CORO2B: variants seen among roughly 807,000 people sequenced by gnomAD.
CORO2B encodes the protein coronin-2B.
A neutral mutation model predicts 58.8 loss-of-function variants in CORO2B; 26 were observed. The observed-to-expected ratio is 0.44, with a 90% CI of 0.32 to 0.61. The LOEUF (loss-of-function observed/expected upper bound fraction) is 0.61, where lower values mean the gene tolerates loss of function less well. CORO2B is among the 20% of genes least tolerant of loss of function. The pLI is 0.04. For missense variants in CORO2B, 460 were observed against 645.1 expected (o/e 0.71, Z 3.11); for synonymous variants, 242 against 253.8 (o/e 0.95, Z 0.44).
intron 2 of CORO2B, among the ~76,000 whole-genome samples, chr15:68,667,660 C>A (rs1438611262): frequency 1.3e-5 from 2 of 152,198 alleles, no homozygotes; most frequent in Non-Finnish European, 2.9e-5. Context: ...TGCACTGGGC[C>A]TCTCTATTCA....
rs766429446 is a variant in CORO2B, at chr15:68,714,077, A to G, written c.765+36A>G. 2.8e-6 allele frequency: 4 copies of G among 1,446,294 alleles called. No homozygotes were observed. The Admixed American group carries it at 7.0e-5, about 25-fold the overall frequency. 89.6% of individuals were successfully genotyped at this position (1,446,294 alleles called of 1,614,324 possible). Reference sequence around the variant, plus strand: ...GGGAGGCCTGCTGGGTTTGGGCTAAAGGAAGCATCGTTGCCTCGGAGGTCA... The same window carrying G: ...GGGAGGCCTGCTGGGTTTGGGCTAAGGGAAGCATCGTTGCCTCGGAGGTCA... On this transcript the variant is annotated intron_variant, in intron 6 of 11. Transcript: ENST00000261861.
chr15:68,650,039 CTATT>C (rs1181377729), intron 2 of CORO2B, among the ~76,000 whole-genome samples: 2 of 152,176 alleles, frequency 1.3e-5, no homozygotes, highest in East Asian at 3.8e-4. Context: ...CAAGAGAAAA[CTATT>C]TATATGATAC....
the CORO2B span, among the ~76,000 whole-genome samples, chr15:68,551,827 C>T: frequency 6.6e-6 from 1 of 152,150 alleles, no homozygotes; most frequent in Non-Finnish European, 1.5e-5. Flanking sequence ...ATGACAATGA[C>T]TCTTAAAACT....
At chr15:68,712,605 T>C (rs1892945839) in intron 5 of CORO2B, among the ~76,000 whole-genome samples, 1 of 152,174 alleles carries the variant, frequency 6.6e-6, no homozygotes, top group African/African-American at 2.4e-5. Context: ...CTACTCAACC[T>C]GTACCACTAC....
chr15:68,610,844 A>G (rs1268993292), intron 1 of CORO2B, among the ~76,000 whole-genome samples: 2 of 152,188 alleles, frequency 1.3e-5, no homozygotes, highest in Non-Finnish European at 2.9e-5. Context: ...TGAACCTTAG[A>G]CACTTCACTG....
intron 3 of CORO2B, among the ~76,000 whole-genome samples, chr15:68,701,503 T>TTTTTTCTTTTTTTTTA (rs1567013965): frequency 8.6e-6 from 1 of 116,728 alleles, no homozygotes; most frequent in African/African-American, 3.5e-5. Context: ...TTTTTTTTTT[T>TTTTTTCTTTTTTTTTA]GAGACGGAGT....
intron 1 of CORO2B, among the ~76,000 whole-genome samples, chr15:68,617,889 C>G (rs1449588953): frequency 6.6e-6 from 1 of 152,166 alleles, no homozygotes; most frequent in South Asian, 2.1e-4. Context: ...GCATTTGAAT[C>G]TTAGGCTACT....
At chr15:68,602,680 C>G (rs557240737) in intron 1 of CORO2B, among the ~76,000 whole-genome samples, 15 of 151,702 alleles carry the variant, frequency 9.9e-5, no homozygotes, top group Non-Finnish European at 2.1e-4. Context: ...TATTGCCCCC[C>G]CTTGAGGTAG....
intron 2 of CORO2B, among the ~76,000 whole-genome samples, chr15:68,683,385 G>A (rs1044653298): frequency 1.3e-5 from 2 of 152,258 alleles, no homozygotes; most frequent in African/African-American, 4.8e-5. Flanking sequence ...TGGCTCTGTG[G>A]CGGGGGAGGA....
the CORO2B span, among the ~76,000 whole-genome samples, chr15:68,525,598 A>C: frequency 2.0e-5 from 3 of 152,106 alleles, no homozygotes; most frequent in Non-Finnish European, 4.4e-5. Context: ...AAATCTCCAG[A>C]CTCTTGTCTC....
At chr15:68,608,308 C>T (rs1170678728) in intron 1 of CORO2B, among the ~76,000 whole-genome samples, 1 of 152,226 alleles carries the variant, frequency 6.6e-6, no homozygotes, top group Non-Finnish European at 1.5e-5. Flanking sequence ...CAGACCCGAA[C>T]ATTGGTGGTT....
intron 1 of CORO2B, among the ~76,000 whole-genome samples, chr15:68,617,521 G>A (rs966925213): frequency 3.9e-5 from 6 of 152,166 alleles, no homozygotes; most frequent in South Asian, 2.1e-4. Flanking sequence ...GGTAGTGTGC[G>A]TGTGTGTATG....
At chr15:68,532,134 GT>G in the CORO2B span, among the ~76,000 whole-genome samples, 5 of 151,926 alleles carry the variant, frequency 3.3e-5, no homozygotes, top group African/African-American at 1.2e-4. Flanking sequence ...TACCTTTGGG[GT>G]TTTTTGTTTT....
At chr15:68,641,387 G>A (rs1486654831) in intron 1 of CORO2B, 2 of 280,518 alleles carry the variant, frequency 7.1e-6, no homozygotes, top group Non-Finnish European at 1.1e-5. Context: ...CTTCACCACA[G>A]ATGCCTCCTT....
the CORO2B span, among the ~76,000 whole-genome samples, chr15:68,534,277 TACAC>T: frequency 1.3e-5 from 2 of 152,224 alleles, no homozygotes; most frequent in African/African-American, 4.8e-5. Flanking sequence ...CACATATGTG[TACAC>T]ACACCTGCAC....
chr15:68,696,027 A>T (rs944201950), intron 3 of CORO2B, among the ~76,000 whole-genome samples: 4 of 151,840 alleles, frequency 2.6e-5, no homozygotes, highest in Non-Finnish European at 5.9e-5. Flanking sequence ...ACTTGAGGCC[A>T]GGAGTTTGAG....
chr15:68,529,471 A>G, the CORO2B span, among the ~76,000 whole-genome samples: 591 of 152,322 alleles, frequency 3.9e-3, 6 homozygotes, highest in African/African-American at 0.013. Flanking sequence ...TGTACCCTTT[A>G]TCAATTGGCC....
intron 1 of CORO2B, among the ~76,000 whole-genome samples, chr15:68,584,997 G>A (rs1164573127): frequency 6.6e-6 from 1 of 152,202 alleles, no homozygotes; most frequent in Non-Finnish European, 1.5e-5. Flanking sequence ...AGCCACCACC[G>A]CCCTTCCTCA....
intron 2 of CORO2B, among the ~76,000 whole-genome samples, chr15:68,655,655 T>C (rs1215784392): frequency 2.0e-5 from 3 of 152,140 alleles, no homozygotes; most frequent in African/African-American, 7.2e-5. Context: ...TTTCCTTTAC[T>C]AAGGGAATTT....
Sources: gnomAD v4.1 joint callset for allele counts (sites outside exome capture counted in the v4.1 genomes callset) on GRCh38, gnomAD v4.1.1 for gene constraint, MANE v1.5 for transcripts, NCBI Gene and HGNC (gene_info 2026-07-23, HGNC 2026-07-21) for gene names.